Variants in WDHD1 observed in about 807,000 individuals in gnomAD.
The protein encoded by WDHD1 is WD repeat and HMG-box DNA-binding protein 1.
WDHD1 carries 111 observed loss-of-function variants against 135.4 expected under a neutral mutation model. That is an observed-to-expected ratio of 0.82 (90% confidence interval 0.70 to 0.96). The LOEUF is 0.96. Among genes scored for constraint, WDHD1 ranks in the 40% least tolerant of loss-of-function variants. The pLI is 0.00. For synonymous variants in WDHD1, 434 were observed against 439.0 expected (o/e 0.99, Z 0.14); for missense variants, 1,351 against 1,336.3 (o/e 1.01, Z -0.17).
rs189177221 is a variant in WDHD1 at position 54,984,233 on chromosome 14, G to A, written c.1906+490C>T. ...CTCTTAGCCGGGTGCAGTGGCTCGC[G>A]CCTGTAATCCCAGCACTTTAGGAGG... On this transcript the variant is annotated intron_variant, in intron 15 of 25. Coordinates refer to ENST00000360586, the MANE Select transcript of WDHD1 (RefSeq NM_007086.4). Among the ~76,000 whole-genome samples the A allele has an allele frequency of 4.7e-3, 711 of 152,240 alleles. 8 individuals carry two copies. Among genetic ancestry groups the A allele is most frequent in the Non-Finnish European group, 7.0e-3 (477 of 68,020 alleles).
At chr14:55,006,535 G>A (rs2042072673) in intron 7 of WDHD1, among the ~76,000 whole-genome samples, 2 of 152,014 alleles carry the variant, frequency 1.3e-5, no homozygotes, top group African/African-American at 2.4e-5. Flanking sequence ...TTCTTCCCCA[G>A]TTGATTTTCT....
At chr14:54,991,131 T>C (rs1192446536) in intron 12 of WDHD1, 82 bp downstream of exon 12, 56 of 718,422 alleles carry the variant, frequency 7.8e-5, no homozygotes, top group South Asian at 2.9e-4. Context: ...TTTAAAAATA[T>C]GTTTTATCCA....
intron 2 of WDHD1, among the ~76,000 whole-genome samples, chr14:55,016,374 T>C (rs1822399015): frequency 6.6e-6 from 1 of 152,166 alleles, no homozygotes; most frequent in Non-Finnish European, 1.5e-5. Flanking sequence ...AAGTTGATAA[T>C]GAAAATATAA....
At chr14:55,019,152 A>G (rs2042304835) in intron 2 of WDHD1, among the ~76,000 whole-genome samples, 1 of 152,234 alleles carries the variant, frequency 6.6e-6, no homozygotes, top group Admixed American at 6.5e-5. Context: ...TTAAAAATAT[A>G]TTTTTCAGAA....
At chr14:54,991,056 C>A (rs900236593) in intron 12 of WDHD1, among the ~76,000 whole-genome samples, 157 bp downstream of exon 12, 1 of 152,158 alleles carries the variant, frequency 6.6e-6, no homozygotes, top group African/African-American at 2.4e-5. Flanking sequence ...TGTGAGCTAA[C>A]CATAAAATAA....
In WDHD1 at chr14:55,027,058, C is replaced by G. The variant is rs2140238769; in HGVS notation, c.-47G>C. On this transcript the variant is annotated 5_prime_UTR_variant, in exon 1 of 26. Coordinates refer to ENST00000360586, the MANE Select transcript of WDHD1 (RefSeq NM_007086.4). ...TGACCGAGCCTCCGCCACTGAGGAT[C>G]CACAAGAGCTGCTTCCCGCGCTTCG... is the stretch of plus-strand genomic sequence containing the variant. 2 of 452,068 alleles carry G rather than the reference C, an allele frequency of 4.4e-6. No individual in the cohort carries two copies. Among genetic ancestry groups the G allele is most frequent in the East Asian group, 7.6e-5 (2 of 26,318 alleles). 28.0% of individuals were successfully genotyped at this position (452,068 alleles called of 1,614,324 possible).
intron 3 of WDHD1, among the ~76,000 whole-genome samples, chr14:55,011,882 T>C (rs1320201523): frequency 2.6e-5 from 4 of 152,190 alleles, no homozygotes; most frequent in Non-Finnish European, 4.4e-5. Flanking sequence ...TTCAATTGTT[T>C]CCGACATTTG....
At chr14:54,987,629 T>C (rs1029321073) in intron 13 of WDHD1, among the ~76,000 whole-genome samples, 1 of 151,348 alleles carries the variant, frequency 6.6e-6, no homozygotes, top group Non-Finnish European at 1.5e-5. Context: ...ATACAAATTC[T>C]TTTTTTTTGA....
chr14:54,946,752 T>TGTTA (rs2040932510), intron 24 of WDHD1, among the ~76,000 whole-genome samples: 1 of 152,170 alleles, frequency 6.6e-6, no homozygotes, highest in East Asian at 1.9e-4. Flanking sequence ...CCTTCCAAAG[T>TGTTA]GTTAGGCTTG....
chr14:54,987,511 TAAG>T (rs747998241), intron 13 of WDHD1, 124 bp from the exon 14 acceptor site: 8 of 787,728 alleles, frequency 1.0e-5, no homozygotes, highest in East Asian at 8.8e-5. Flanking sequence ...TACACTAGTA[TAAG>T]AAGTTGCTTT....
Position 54,940,307 on chromosome 14 carries a change from C to T in WDHD1, c.*1183G>A, listed in dbSNP as rs919968827. The T allele has an allele frequency of 6.6e-6, 1 of 152,134 alleles. No individual in the cohort carries two copies. The highest frequency in any genetic ancestry group is 2.4e-5 in the African/African-American group (1 of 41,430). 9.4% of individuals were successfully genotyped at this position (152,134 alleles called of 1,614,324 possible). On this transcript the variant is annotated 3_prime_UTR_variant, in exon 26 of 26. Coordinates refer to ENST00000360586, the MANE Select transcript of WDHD1 (RefSeq NM_007086.4). ...GTAATCTGGCTTTGGAATCTGTGCT[C>T]ATAACCACTGTGCTATAATGTCTCT...
intron 25 of WDHD1, among the ~76,000 whole-genome samples, chr14:54,942,847 G>C (rs182524280): frequency 2.6e-5 from 4 of 152,252 alleles, no homozygotes; most frequent in East Asian, 1.9e-4. Flanking sequence ...TAAAAATACT[G>C]ATTACATTTT....
intron 24 of WDHD1, among the ~76,000 whole-genome samples, chr14:54,948,507 T>A (rs1255901590): frequency 1.3e-5 from 2 of 152,078 alleles, no homozygotes; most frequent in East Asian, 3.9e-4. Flanking sequence ...GCCAGGAAAC[T>A]CGAACTGGGT....
At chr14:54,981,872 C>A (rs2041623736) in intron 15 of WDHD1, among the ~76,000 whole-genome samples, 176 bp from the exon 16 acceptor site, 1 of 151,266 alleles carries the variant, frequency 6.6e-6, no homozygotes. Flanking sequence ...TAAAGTAAGA[C>A]CTAACTAAAA....
intron 16 of WDHD1, among the ~76,000 whole-genome samples, chr14:54,976,921 T>G (rs1393977775): frequency 6.6e-6 from 1 of 152,206 alleles, no homozygotes; most frequent in Non-Finnish European, 1.5e-5. Context: ...CAACAGATTT[T>G]TTAGTGTATC....
chr14:54,959,403 AGGAGGGAGGGAG>A (rs542735984), intron 21 of WDHD1, among the ~76,000 whole-genome samples: 2 of 41,568 alleles, frequency 4.8e-5, no homozygotes, highest in East Asian at 1.3e-3. Context: ...CGGGGGGAAG[AGGAGGGAGGGAG>A]GGAGGGAAGA....
chr14:54,944,082 C>T (rs571580435), intron 25 of WDHD1, among the ~76,000 whole-genome samples: 9 of 151,856 alleles, frequency 5.9e-5, no homozygotes, highest in Admixed American at 5.9e-4. Flanking sequence ...CAGAAAAAGG[C>T]TTTTCCTTTT....
intron 24 of WDHD1, among the ~76,000 whole-genome samples, chr14:54,945,775 A>G (rs1049995594): frequency 6.6e-6 from 1 of 152,064 alleles, no homozygotes; most frequent in African/African-American, 2.4e-5. Context: ...TCCTGACCTC[A>G]TGATCCACTC....
Position 54,991,276 on chromosome 14 carries a change from T to A in WDHD1, c.1278A>T (p.Pro426=). 1 of 1,613,640 alleles carries A rather than the reference T, an allele frequency of 6.2e-7. No homozygotes were observed. The highest frequency in any genetic ancestry group is 8.5e-7 in the Non-Finnish European group (1 of 1,179,560). ...ACTGAAATGGCTTTTGCCGGGGAGTTGGCATGGGTCCATCATAAAATGGCC... is the reference window on the plus strand; with the variant it reads ...ACTGAAATGGCTTTTGCCGGGGAGTAGGCATGGGTCCATCATAAAATGGCC... ...SQRPFYDGPM[P]TPRQKPFQSG... is the part of the protein sequence containing the mutation. The change falls in exon 12 of 26, where the codon CCA becomes CCT. Residue 426 remains proline, a synonymous_variant. Coordinates refer to ENST00000360586, the MANE Select transcript of WDHD1 (RefSeq NM_007086.4).
Sources: gnomAD v4.1 joint callset for allele counts (sites outside exome capture counted in the v4.1 genomes callset) on GRCh38, gnomAD v4.1.1 for gene constraint, MANE v1.5 for transcripts, NCBI Gene and HGNC (gene_info 2026-07-23, HGNC 2026-07-21) for gene names.